SLC44A5: variants seen among roughly 807,000 people sequenced by gnomAD.
The protein encoded by SLC44A5 is choline transporter-like protein 5.
In SLC44A5, 57 loss-of-function variants were observed where a neutral mutation model predicts 101.8. The ratio of observed to expected loss-of-function variants is 0.56; its 90% CI spans 0.45 to 0.70. SLC44A5 has a LOEUF of 0.70. Among genes scored for constraint, SLC44A5 ranks in the 30% least tolerant of loss-of-function variants. The pLI is 0.00. For synonymous variants in SLC44A5, 281 were observed against 290.9 expected (o/e 0.97, Z 0.35); for missense variants, 737 against 853.1 (o/e 0.86, Z 1.70).
the SLC44A5 span, among the ~76,000 whole-genome samples, chr1:75,626,805 T>G: frequency 6.6e-6 from 1 of 152,182 alleles, no homozygotes; most frequent in African/African-American, 2.4e-5. Flanking sequence ...ATGCCTTGGT[T>G]ATCTTCACAT....
chr1:75,399,703 T>C (rs1256615378), intron 2 of SLC44A5, among the ~76,000 whole-genome samples: 1 of 152,240 alleles, frequency 6.6e-6, no homozygotes, highest in Non-Finnish European at 1.5e-5. Context: ...AATCTCATTA[T>C]TGTAAAAAAA....
chr1:75,574,066 A>T (rs1159244076), intron 1 of SLC44A5, among the ~76,000 whole-genome samples: 1 of 152,214 alleles, frequency 6.6e-6, no homozygotes, highest in African/African-American at 2.4e-5. Context: ...TTGGAAAAAT[A>T]TTTTTTTAAA....
At chr1:75,509,499 T>C (rs1669449671) in intron 2 of SLC44A5, among the ~76,000 whole-genome samples, 2 of 152,152 alleles carry the variant, frequency 1.3e-5, no homozygotes, top group Non-Finnish European at 2.9e-5. Flanking sequence ...GAAAATAGAA[T>C]GGTTACTTTG....
intron 5 of SLC44A5, among the ~76,000 whole-genome samples, chr1:75,276,025 TAA>T (rs968895273): frequency 6.6e-6 from 1 of 152,142 alleles, no homozygotes; most frequent in East Asian, 1.9e-4. Flanking sequence ...CTTGGGAAGA[TAA>T]AAAAATCAAT....
chr1:75,504,861 T>C (rs1297638548), intron 2 of SLC44A5, among the ~76,000 whole-genome samples: 2 of 152,176 alleles, frequency 1.3e-5, no homozygotes, highest in African/African-American at 2.4e-5. Flanking sequence ...ACTTTTATTT[T>C]AGATTCAAGG....
chr1:75,630,153 C>T, the SLC44A5 span, among the ~76,000 whole-genome samples: 6,081 of 152,132 alleles, frequency 0.04, 359 homozygotes, highest in African/African-American at 0.13. Context: ...GTAATCTACC[C>T]GCAGGGCCCT....
chr1:75,609,190 A>C (rs1177769948), intron 1 of SLC44A5, among the ~76,000 whole-genome samples: 4 of 151,834 alleles, frequency 2.6e-5, no homozygotes, highest in African/African-American at 9.7e-5. Flanking sequence ...TCTCCTATTT[A>C]TACCTCAAAG....
intron 4 of SLC44A5, among the ~76,000 whole-genome samples, chr1:75,330,104 TATACACACACACACAC>T (rs1557669408): frequency 1.4e-5 from 2 of 144,186 alleles, no homozygotes; most frequent in African/African-American, 2.8e-5. Context: ...AATATATATA[TATACACACACACACAC>T]ACACACACAC....
At chr1:75,218,318 G>T (rs764065009) in intron 17 of SLC44A5, among the ~76,000 whole-genome samples, 172 bp downstream of exon 17, 4 of 151,996 alleles carry the variant, frequency 2.6e-5, no homozygotes, top group Non-Finnish European at 4.4e-5. Context: ...GCTTGGGTAG[G>T]GATTGTAAAA....
At chr1:75,301,309 C>T (rs1570615669) in intron 4 of SLC44A5, among the ~76,000 whole-genome samples, 1 of 152,100 alleles carries the variant, frequency 6.6e-6, no homozygotes, top group Non-Finnish European at 1.5e-5. Context: ...CAGTGATTTG[C>T]TAAAGGTCAG....
At chr1:75,676,688 T>G in the SLC44A5 span, among the ~76,000 whole-genome samples, 1 of 152,186 alleles carries the variant, frequency 6.6e-6, no homozygotes, top group Admixed American at 6.5e-5. Context: ...ACATATACCC[T>G]GGAACTTAAA....
chr1:75,722,762 G>C, the SLC44A5 span, among the ~76,000 whole-genome samples: 10 of 152,082 alleles, frequency 6.6e-5, no homozygotes, highest in Admixed American at 2.0e-4. Flanking sequence ...TTCTACGTTC[G>C]TCCCTTCATT....
the SLC44A5 span, among the ~76,000 whole-genome samples, chr1:75,645,235 T>C: frequency 6.6e-6 from 1 of 152,208 alleles, no homozygotes; most frequent in African/African-American, 2.4e-5. Flanking sequence ...TAGTTTACAG[T>C]CCCACCAACA....
At chr1:75,375,934 T>A (rs1660556328) in intron 3 of SLC44A5, among the ~76,000 whole-genome samples, 1 of 152,160 alleles carries the variant, frequency 6.6e-6, no homozygotes, top group Admixed American at 6.5e-5. Flanking sequence ...ACCGGGTTCA[T>A]CTCACTTGGG....
intron 2 of SLC44A5, among the ~76,000 whole-genome samples, chr1:75,509,889 T>C (rs1234065934): frequency 6.6e-6 from 1 of 152,196 alleles, no homozygotes; most frequent in Non-Finnish European, 1.5e-5. Context: ...AATAAAAACA[T>C]ACCCGAGACT....
intron 2 of SLC44A5, among the ~76,000 whole-genome samples, chr1:75,415,706 T>A (rs1363685847): frequency 6.6e-6 from 1 of 152,154 alleles, no homozygotes; most frequent in Non-Finnish European, 1.5e-5. Flanking sequence ...CTGATAGTGA[T>A]ATGAACAATA....
chr1:75,516,040 A>C (rs1669809484), intron 2 of SLC44A5, among the ~76,000 whole-genome samples: 3 of 152,214 alleles, frequency 2.0e-5, no homozygotes, highest in African/African-American at 7.2e-5. Flanking sequence ...AATAATTGAA[A>C]GGGGCTTAAG....
At chr1:75,632,679 G>A in the SLC44A5 span, among the ~76,000 whole-genome samples, 2 of 152,038 alleles carry the variant, frequency 1.3e-5, no homozygotes, top group Non-Finnish European at 2.9e-5. Context: ...ACTTGTTCAC[G>A]CTCCAGAAAA....
At chr1:75,531,325 T>C (rs781009616) in intron 2 of SLC44A5, among the ~76,000 whole-genome samples, 7 of 152,202 alleles carry the variant, frequency 4.6e-5, no homozygotes, top group Non-Finnish European at 8.8e-5. Flanking sequence ...TTGCCAAACT[T>C]TTTTGACCAC....
Sources: gnomAD v4.1 joint callset for allele counts (sites outside exome capture counted in the v4.1 genomes callset) on GRCh38, gnomAD v4.1.1 for gene constraint, MANE v1.5 for transcripts, NCBI Gene and HGNC (gene_info 2026-07-23, HGNC 2026-07-21) for gene names.